The following NRXN3 variants were observed in gnomAD, a reference collection of about 807,000 sequenced individuals.
NRXN3 encodes the protein neurexin 3.
A neutral mutation model predicts 137.6 loss-of-function variants in NRXN3; 32 were observed. That is an observed-to-expected ratio of 0.23 (90% CI 0.18 to 0.31). NRXN3 has a LOEUF of 0.31. Among genes scored for constraint, NRXN3 ranks in the 10% least tolerant of loss-of-function variants. NRXN3 has a pLI of 1.00. For synonymous variants in NRXN3, 798 were observed against 784.5 expected, an observed-to-expected ratio of 1.02 and a Z score of -0.29; for missense variants, 1,574 against 2,062.5, an observed-to-expected ratio of 0.76 and a Z score of 4.59.
In NRXN3 at chr14:78,552,667, C is replaced by CAATA. The variant is rs572002352; in HGVS notation, c.758-92435_758-92432dup. Reference sequence around the variant, plus strand: ...GGCAACAGGGAAAAATCTCTGTCTCCAATAAATAAATAAATAAATAAGTAG... The same window carrying CAATA: ...GGCAACAGGGAAAAATCTCTGTCTCCAATAAATAAATAAATAAATAAATAAGTAG... On this transcript the variant is annotated intron_variant, in intron 4 of 20. Coordinates refer to ENST00000335750, the MANE Select transcript of NRXN3 (RefSeq NM_001330195.2). Among the ~76,000 whole-genome samples, 994 of 151,822 alleles carry CAATA rather than the reference C, an allele frequency of 6.5e-3. 11 individuals are homozygous for CAATA. The highest frequency in any genetic ancestry group is 0.021 in the African/African-American group (889 of 41,368).
chr14:79,345,274 G>T (rs2092811271), intron 15 of NRXN3, among the ~76,000 whole-genome samples: 1 of 152,064 alleles, frequency 6.6e-6, no homozygotes, highest in African/African-American at 2.4e-5. Flanking sequence ...AAGAAATTCA[G>T]ATACAAAAGC....
intron 19 of NRXN3, among the ~76,000 whole-genome samples, chr14:79,717,187 G>T (rs78003731): frequency 0.018 from 2,710 of 152,230 alleles, 67 homozygotes; most frequent in African/African-American, 0.062. Flanking sequence ...ATTTGAACTG[G>T]CAAGGGGCAC....
intron 15 of NRXN3, among the ~76,000 whole-genome samples, chr14:79,326,485 C>A (rs534144048): frequency 2.0e-5 from 3 of 152,170 alleles, no homozygotes; most frequent in Non-Finnish European, 2.9e-5. Flanking sequence ...AAGGACTTTT[C>A]TCCTTATGCT....
chr14:79,183,047 C>T (rs2063119527), intron 15 of NRXN3, among the ~76,000 whole-genome samples: 1 of 152,110 alleles, frequency 6.6e-6, no homozygotes, highest in Non-Finnish European at 1.5e-5. Context: ...ATGAAGTCTA[C>T]ATTTGAATTA....
chr14:79,622,463 T>G (rs2098234695), intron 16 of NRXN3, among the ~76,000 whole-genome samples: 1 of 152,228 alleles, frequency 6.6e-6, no homozygotes, highest in Admixed American at 6.5e-5. Flanking sequence ...CGTAGATAAT[T>G]ATTGTACCTG....
intron 15 of NRXN3, among the ~76,000 whole-genome samples, chr14:79,121,656 C>T (rs1596188846): frequency 1.3e-5 from 2 of 152,162 alleles, no homozygotes; most frequent in South Asian, 2.1e-4. Flanking sequence ...CTGAGCAATA[C>T]GTTCAGTGAC....
At chr14:78,412,519 G>A (rs1598381277) in intron 4 of NRXN3, among the ~76,000 whole-genome samples, 1 of 152,274 alleles carries the variant, frequency 6.6e-6, no homozygotes, top group East Asian at 1.9e-4. Flanking sequence ...TATGTGCCAG[G>A]TGAGTATTGG....
At chr14:78,327,039 G>A (rs977237850) in intron 4 of NRXN3, among the ~76,000 whole-genome samples, 7 of 151,924 alleles carry the variant, frequency 4.6e-5, no homozygotes, top group African/African-American at 1.5e-4. Flanking sequence ...TGTATTTTAA[G>A]TACTTACAAG....
At chr14:79,101,971 C>G (rs930466346) in intron 15 of NRXN3, among the ~76,000 whole-genome samples, 2 of 152,038 alleles carry the variant, frequency 1.3e-5, no homozygotes, top group African/African-American at 4.8e-5. Context: ...GAGACAGAGG[C>G]TGGAGTGATG....
intron 15 of NRXN3, among the ~76,000 whole-genome samples, chr14:79,303,848 A>T (rs2085560585): frequency 6.6e-6 from 1 of 152,020 alleles, no homozygotes; most frequent in Non-Finnish European, 1.5e-5. Context: ...GCCTTTAAAG[A>T]TATAGCTTCC....
At chr14:78,553,682 G>A (rs2096713462) in intron 4 of NRXN3, among the ~76,000 whole-genome samples, 1 of 152,188 alleles carries the variant, frequency 6.6e-6, no homozygotes, top group Non-Finnish European at 1.5e-5. Context: ...GGGATCTGAG[G>A]CTAGAGCTGC....
At chr14:79,709,622 G>T (rs772706607) in intron 19 of NRXN3, among the ~76,000 whole-genome samples, 1 of 152,238 alleles carries the variant, frequency 6.6e-6, no homozygotes, top group African/African-American at 2.4e-5. Context: ...CAGTATAAAT[G>T]TATAAAATGA....
chr14:78,957,188 A>C, intron 10 of NRXN3, 54 bp from the exon 11 acceptor site: 1 of 1,599,464 alleles, frequency 6.3e-7, no homozygotes, highest in Non-Finnish European at 8.5e-7. Flanking sequence ...ACCCTGATGC[A>C]TGAGCACTAC....
intron 2 of NRXN3, among the ~76,000 whole-genome samples, chr14:78,263,001 G>T (rs1338340589): frequency 6.6e-6 from 1 of 151,748 alleles, no homozygotes; most frequent in Non-Finnish European, 1.5e-5. Context: ...TTTCCATCCT[G>T]CATGAAAACA....
intron 19 of NRXN3, among the ~76,000 whole-genome samples, chr14:79,731,685 C>G (rs1295219252): frequency 6.8e-6 from 1 of 148,050 alleles, no homozygotes; most frequent in East Asian, 2.0e-4. Flanking sequence ...AGGGTTTCAA[C>G]ATGTTAGCCA....
At chr14:78,694,054 C>T (rs2098200748) in intron 6 of NRXN3, among the ~76,000 whole-genome samples, 1 of 151,954 alleles carries the variant, frequency 6.6e-6, no homozygotes, top group Admixed American at 6.6e-5. Context: ...CAGGTCTCAC[C>T]TTAGTACTCC....
intron 16 of NRXN3, among the ~76,000 whole-genome samples, chr14:79,573,568 A>G (rs1252761488): frequency 6.6e-6 from 1 of 152,060 alleles, no homozygotes; most frequent in Non-Finnish European, 1.5e-5. Flanking sequence ...TCTGTTTTAT[A>G]CACCATGCAC....
At chr14:78,440,004 A>G (rs1250151020) in intron 4 of NRXN3, among the ~76,000 whole-genome samples, 1 of 152,174 alleles carries the variant, frequency 6.6e-6, no homozygotes, top group Non-Finnish European at 1.5e-5. Flanking sequence ...GTCCTCCCAC[A>G]TGAGGGCATT....
At chr14:79,088,304 T>C (rs973575691) in intron 15 of NRXN3, among the ~76,000 whole-genome samples, 5 of 149,534 alleles carry the variant, frequency 3.3e-5, no homozygotes, top group African/African-American at 1.3e-4. Context: ...AATAAAGTGA[T>C]TTGAAGCCCC....
Sources: gnomAD v4.1 joint callset for allele counts (sites outside exome capture counted in the v4.1 genomes callset) on GRCh38, gnomAD v4.1.1 for gene constraint, MANE v1.5 for transcripts, NCBI Gene and HGNC (gene_info 2026-07-23, HGNC 2026-07-21) for gene names.